Variants in SYN3 observed in about 807,000 individuals in gnomAD.
The protein encoded by SYN3 is synapsin-3.
Under a neutral mutation model 65.8 loss-of-function variants are expected in SYN3, and 35 were observed. That is an observed-to-expected ratio of 0.53 (90% CI 0.41 to 0.70). SYN3 has a LOEUF of 0.70. SYN3 is among the 30% of genes least tolerant of loss of function. SYN3 has a pLI of 0.00. For missense variants in SYN3, 680 were observed against 749.0 expected (o/e 0.91, Z 1.08); for synonymous variants, 270 against 292.9 (o/e 0.92, Z 0.80).
At chr22:32,710,734 T>C (rs2147246043) in intron 6 of SYN3, among the ~76,000 whole-genome samples, 1 of 152,216 alleles carries the variant, frequency 6.6e-6, no homozygotes, top group African/African-American at 2.4e-5. Flanking sequence ...GCTTCCACTT[T>C]GCCTTCTGCC....
chr22:32,803,007 G>T (rs2046631203), intron 6 of SYN3, among the ~76,000 whole-genome samples: 2 of 152,126 alleles, frequency 1.3e-5, no homozygotes, highest in African/African-American at 4.8e-5. Context: ...TGTATGGAGG[G>T]CCCCGAGAGC....
chr22:32,582,264 G>T (rs966070769), intron 7 of SYN3, among the ~76,000 whole-genome samples: 3 of 152,052 alleles, frequency 2.0e-5, no homozygotes, highest in African/African-American at 7.2e-5. Flanking sequence ...CAAAACCAGT[G>T]GTTATGCAGA....
intron 5 of SYN3, among the ~76,000 whole-genome samples, chr22:32,866,077 C>A (rs28540574): frequency 2.0e-5 from 3 of 152,160 alleles, no homozygotes; most frequent in African/African-American, 7.2e-5. Context: ...GACCAGAAAG[C>A]TTAGAATTCA....
chr22:32,800,771 C>T (rs1045098419), intron 6 of SYN3, among the ~76,000 whole-genome samples: 5 of 152,144 alleles, frequency 3.3e-5, no homozygotes, highest in African/African-American at 9.7e-5. Flanking sequence ...TCAAACATGC[C>T]CAGGGTCTTT....
chr22:32,890,470 TC>T (rs1299179061), intron 4 of SYN3, among the ~76,000 whole-genome samples: 1 of 152,002 alleles, frequency 6.6e-6, no homozygotes, highest in South Asian at 2.1e-4. Flanking sequence ...AAGCTCCGCC[TC>T]CCGGGTTCAC....
At chr22:32,793,376 T>C (rs1279201683) in intron 6 of SYN3, among the ~76,000 whole-genome samples, 1 of 152,254 alleles carries the variant, frequency 6.6e-6, no homozygotes, top group Admixed American at 6.5e-5. Flanking sequence ...AGCTCTCTCC[T>C]ACTTCTGACC....
At chr22:32,687,146 T>TTTTA (rs1289424372) in intron 6 of SYN3, among the ~76,000 whole-genome samples, 4 of 151,746 alleles carry the variant, frequency 2.6e-5, no homozygotes, top group East Asian at 3.9e-4. Flanking sequence ...TAGGTCTTGT[T>TTTTA]TTTATTTATT....
At chr22:32,538,240 G>A (rs1399163492) in intron 8 of SYN3, 130 bp from the exon 9 acceptor site, 18 of 716,434 alleles carry the variant, frequency 2.5e-5, no homozygotes, top group Non-Finnish European at 3.8e-5. Flanking sequence ...GTATTCTTAC[G>A]TACACACCTT....
At chr22:32,605,052 ACTGT>A (rs1359447693) in intron 6 of SYN3, among the ~76,000 whole-genome samples, 2 of 150,504 alleles carry the variant, frequency 1.3e-5, no homozygotes, top group South Asian at 2.1e-4. Context: ...CTTTTTTTTA[ACTGT>A]CTGTTTCTCC....
At chr22:32,726,911 T>C (rs894273384) in intron 6 of SYN3, among the ~76,000 whole-genome samples, 1 of 151,640 alleles carries the variant, frequency 6.6e-6, no homozygotes, top group Non-Finnish European at 1.5e-5. Flanking sequence ...GAAGACAGAA[T>C]CATTTGCAGT....
At chr22:32,636,326 C>T (rs756709689) in intron 6 of SYN3, among the ~76,000 whole-genome samples, 3 of 150,568 alleles carry the variant, frequency 2.0e-5, no homozygotes, top group East Asian at 2.0e-4. Context: ...GGCGTGAACC[C>T]GGGAGGCGGA....
chr22:32,789,222 C>T (rs1345580814), intron 6 of SYN3, among the ~76,000 whole-genome samples: 1 of 152,242 alleles, frequency 6.6e-6, no homozygotes, highest in Non-Finnish European at 1.5e-5. Flanking sequence ...CCCCTTCTTT[C>T]CTCCTGAAAT....
At chr22:32,772,084 T>C (rs996110122) in intron 6 of SYN3, among the ~76,000 whole-genome samples, 1 of 152,006 alleles carries the variant, frequency 6.6e-6, no homozygotes, top group Non-Finnish European at 1.5e-5. Flanking sequence ...GAAAAAGCCA[T>C]TAAGCCTGGA....
chr22:32,554,773 G>A (rs557044469), intron 7 of SYN3, among the ~76,000 whole-genome samples: 25 of 152,214 alleles, frequency 1.6e-4, no homozygotes, highest in African/African-American at 5.8e-4. Context: ...CTCCATCTGC[G>A]AGACACACCC....
chr22:32,997,081 G>A (rs1423596428), intron 2 of SYN3, among the ~76,000 whole-genome samples: 1 of 152,228 alleles, frequency 6.6e-6, no homozygotes, highest in Non-Finnish European at 1.5e-5. Context: ...TTGGGGAGTG[G>A]CATAAGAACT....
intron 7 of SYN3, among the ~76,000 whole-genome samples, chr22:32,557,979 A>C (rs2058527661): frequency 6.6e-6 from 1 of 152,160 alleles, no homozygotes; most frequent in Non-Finnish European, 1.5e-5. Context: ...CTCTTTTAAC[A>C]ATCTCTTCTT....
chr22:32,711,170 C>A (rs531100119), intron 6 of SYN3, among the ~76,000 whole-genome samples: 130 of 152,298 alleles, frequency 8.5e-4, no homozygotes, highest in African/African-American at 2.9e-3. Context: ...GGGTTGGTCA[C>A]CCTACACAGC....
rs145637959 is a variant in SYN3 at position 32,789,507 on chromosome 22, C to T, written c.711+75408G>A. 8.4e-3 allele frequency among the ~76,000 whole-genome samples: 1,284 copies of T among 152,202 alleles called. 20 individuals carry two copies. The highest frequency in any genetic ancestry group is 0.029 in the African/African-American group (1,209 of 41,516). On this transcript the variant is annotated intron_variant, in intron 6 of 13. Coordinates refer to ENST00000358763, the MANE Select transcript of SYN3 (RefSeq NM_003490.4). ...GGTCTGTCCAGGCACCAATTCAGGGCGCTTTCAGTTCTGGAATGACTTTAC... is the reference window on the plus strand; with the variant it reads ...GGTCTGTCCAGGCACCAATTCAGGGTGCTTTCAGTTCTGGAATGACTTTAC...
At chr22:32,545,641 A>G (rs989884020) in intron 7 of SYN3, among the ~76,000 whole-genome samples, 1 of 151,160 alleles carries the variant, frequency 6.6e-6, no homozygotes, top group African/African-American at 2.4e-5. Flanking sequence ...GCTCACTACA[A>G]CCTCTGCCTC....
Sources: gnomAD v4.1 joint callset for allele counts (sites outside exome capture counted in the v4.1 genomes callset) on GRCh38, gnomAD v4.1.1 for gene constraint, MANE v1.5 for transcripts, NCBI Gene and HGNC (gene_info 2026-07-23, HGNC 2026-07-21) for gene names.